The following CTNNA2 variants were observed in gnomAD, a reference collection of about 807,000 sequenced individuals.
CTNNA2 encodes the protein catenin alpha-2.
In CTNNA2, 42 loss-of-function variants were observed where a neutral mutation model predicts 101.0. The observed-to-expected ratio is 0.42, with a 90% CI of 0.32 to 0.54. The LOEUF (loss-of-function observed/expected upper bound fraction) is 0.54. Among genes scored for constraint, CTNNA2 ranks in the 20% least tolerant of loss-of-function variants. CTNNA2 has a pLI of 0.14. For missense variants in CTNNA2, 871 were observed against 1,223.1 expected, an observed-to-expected ratio of 0.71 and a Z score of 4.29; for synonymous variants, 450 against 456.4, an observed-to-expected ratio of 0.99 and a Z score of 0.18.
Position 80,047,336 on chromosome 2 carries a change from A to G in CTNNA2, c.1056+137539A>G, listed in dbSNP as rs371350453. On this transcript the variant is annotated intron_variant, in intron 7 of 18. Transcript: ENST00000402739. ...GTCCGTAGTCCAGAACCTAGAGGCT[A>G]CCGTATGGGACAGAGCAGAATAGAA... 4.6e-5 allele frequency among the ~76,000 whole-genome samples: 7 copies of G among 152,344 alleles called. No homozygotes were observed. In the East Asian group the frequency reaches 1.3e-3, roughly 29 times the overall value.
intron 4 of CTNNA2, among the ~76,000 whole-genome samples, chr2:79,466,512 A>G (rs1363392115): frequency 1.3e-5 from 2 of 152,208 alleles, no homozygotes; most frequent in African/African-American, 4.8e-5. Flanking sequence ...TCCCTGTCTG[A>G]CAGCTTTGAA....
At chr2:79,589,367 G>A (rs955494909) in intron 1 of CTNNA2, among the ~76,000 whole-genome samples, 34 of 152,006 alleles carry the variant, frequency 2.2e-4, no homozygotes, top group African/African-American at 7.5e-4. Flanking sequence ...GAAATAATTG[G>A]TCAGTTTTCT....
intron 1 of CTNNA2, among the ~76,000 whole-genome samples, chr2:79,567,373 T>C (rs1055793961): frequency 5.3e-5 from 8 of 152,166 alleles, no homozygotes; most frequent in Non-Finnish European, 8.8e-5. Flanking sequence ...ATTTTATCTA[T>C]TTCTACATTT....
intron 3 of CTNNA2, among the ~76,000 whole-genome samples, chr2:79,765,176 G>T (rs1399595607): frequency 2.0e-5 from 3 of 152,112 alleles, no homozygotes; most frequent in African/African-American, 7.2e-5. Flanking sequence ...GACGAAATGA[G>T]GTAATATATG....
chr2:79,258,487 T>C (rs1248342498), intron 2 of CTNNA2, among the ~76,000 whole-genome samples: 4 of 152,186 alleles, frequency 2.6e-5, no homozygotes, highest in Admixed American at 1.3e-4. Context: ...AGTACTGTTA[T>C]TACTGATGCT....
intron 3 of CTNNA2, among the ~76,000 whole-genome samples, chr2:79,814,257 T>C (rs1677286982): frequency 6.6e-6 from 1 of 152,256 alleles, no homozygotes; most frequent in African/African-American, 2.4e-5. Context: ...TTTTTGTAGG[T>C]TATTGGGGTA....
chr2:80,647,112 A>ATTAACACCTCATAG (rs1674186708), intron 18 of CTNNA2, among the ~76,000 whole-genome samples: 1 of 152,150 alleles, frequency 6.6e-6, no homozygotes, highest in African/African-American at 2.4e-5. Flanking sequence ...TCCAAGCTCA[A>ATTAACACCTCATAG]TTAACACCTC....
chr2:80,245,376 A>G (rs551409829), intron 7 of CTNNA2, among the ~76,000 whole-genome samples: 3 of 152,318 alleles, frequency 2.0e-5, no homozygotes, highest in Non-Finnish European at 4.4e-5. Flanking sequence ...GGTTATTAGT[A>G]CTTTCCCTAA....
At chr2:79,561,290 T>G (rs1674764798) in intron 1 of CTNNA2, among the ~76,000 whole-genome samples, 1 of 151,960 alleles carries the variant, frequency 6.6e-6, no homozygotes, top group South Asian at 2.1e-4. Flanking sequence ...ATATGCTATT[T>G]TATGCATATA....
intron 4 of CTNNA2, among the ~76,000 whole-genome samples, chr2:79,474,280 A>G (rs1671029616): frequency 6.6e-6 from 1 of 152,240 alleles, no homozygotes; most frequent in African/African-American, 2.4e-5. Flanking sequence ...GAATAAACAA[A>G]TCTTAGCACA....
At chr2:79,271,336 A>G (rs2104301378) in intron 2 of CTNNA2, among the ~76,000 whole-genome samples, 1 of 152,106 alleles carries the variant, frequency 6.6e-6, no homozygotes, top group African/African-American at 2.4e-5. Context: ...TTCCCCCTGT[A>G]ATGCACACGT....
intron 7 of CTNNA2, among the ~76,000 whole-genome samples, chr2:79,994,422 T>A (rs1692399341): frequency 6.6e-6 from 1 of 152,130 alleles, no homozygotes; most frequent in Non-Finnish European, 1.5e-5. Context: ...CTCATAGACA[T>A]TCTTGTACAC....
chr2:80,059,510 G>A (rs1697434300), intron 7 of CTNNA2, among the ~76,000 whole-genome samples: 3 of 152,138 alleles, frequency 2.0e-5, no homozygotes, highest in South Asian at 4.1e-4. Context: ...GGAGTCTCCC[G>A]GATTCTTCAA....
intron 7 of CTNNA2, 45 bp from the exon 8 acceptor site, chr2:80,393,166 A>G: frequency 6.9e-7 from 1 of 1,447,720 alleles, no homozygotes; most frequent in South Asian, 1.3e-5. Flanking sequence ...AATGTCTCTA[A>G]CATTGAATAT....
intron 18 of CTNNA2, among the ~76,000 whole-genome samples, chr2:80,633,210 GTTTTAAAAGT>G (rs1672480226): frequency 6.6e-6 from 1 of 151,978 alleles, no homozygotes; most frequent in Admixed American, 6.6e-5. Flanking sequence ...AAAAGATTAT[GTTTTAAAAGT>G]TTTTAAATTT....
chr2:79,334,121 T>C (rs577359358), intron 3 of CTNNA2, among the ~76,000 whole-genome samples: 1 of 152,254 alleles, frequency 6.6e-6, no homozygotes, highest in East Asian at 1.9e-4. Context: ...TATTTGAAAA[T>C]ATACATTAAA....
chr2:79,930,336 G>T (rs1181216488), intron 7 of CTNNA2, among the ~76,000 whole-genome samples: 1 of 146,054 alleles, frequency 6.8e-6, no homozygotes, highest in Non-Finnish European at 1.5e-5. Flanking sequence ...AAGAAAGAAA[G>T]AAAGAAAGAA....
chr2:79,780,713 G>A (rs1407206325), intron 3 of CTNNA2, among the ~76,000 whole-genome samples: 3 of 152,186 alleles, frequency 2.0e-5, no homozygotes, highest in Non-Finnish European at 4.4e-5. Context: ...TAGGAAGACA[G>A]TGCCATCTAT....
At chr2:79,658,789 A>G (rs1163835593) in intron 2 of CTNNA2, among the ~76,000 whole-genome samples, 1 of 152,030 alleles carries the variant, frequency 6.6e-6, no homozygotes, top group Non-Finnish European at 1.5e-5. Context: ...CCAAATAGGG[A>G]AGGAACCTCC....
Sources: gnomAD v4.1 joint callset for allele counts (sites outside exome capture counted in the v4.1 genomes callset) on GRCh38, gnomAD v4.1.1 for gene constraint, MANE v1.5 for transcripts, NCBI Gene and HGNC (gene_info 2026-07-23, HGNC 2026-07-21) for gene names.